Variants in PLGRKT observed in about 807,000 individuals in gnomAD.
The protein encoded by PLGRKT is plasminogen receptor (KT).
In PLGRKT, 22 loss-of-function variants were observed where a neutral mutation model predicts 18.5. The ratio of observed to expected loss-of-function variants is 1.19; its 90% confidence interval spans 0.85 to 1.70. PLGRKT has a LOEUF of 1.70. Ranked by LOEUF, PLGRKT falls within the 40% of genes most tolerant of loss-of-function variation. The probability of loss-of-function intolerance (pLI) is 0.00; values close to 1 mark genes in which losing one functional copy is unlikely to be tolerated. For synonymous variants in PLGRKT, 72 were observed against 52.8 expected, an observed-to-expected ratio of 1.36 and a Z score of -1.58; for missense variants, 235 against 174.4, an observed-to-expected ratio of 1.35 and a Z score of -1.96.
chr9:5,369,516 T>C (rs903750592), intron 3 of PLGRKT, among the ~76,000 whole-genome samples: 1 of 152,188 alleles, frequency 6.6e-6, no homozygotes, highest in Non-Finnish European at 1.5e-5. Flanking sequence ...AGTTCAACCA[T>C]TGTGGAAGAC....
intron 3 of PLGRKT, among the ~76,000 whole-genome samples, chr9:5,396,140 C>A (rs1818044151): frequency 6.6e-6 from 1 of 151,440 alleles, no homozygotes; most frequent in Non-Finnish European, 1.5e-5. Flanking sequence ...GTGATCAGTC[C>A]GCCTCAGCCT....
At chr9:5,393,874 G>A (rs1280914580) in intron 3 of PLGRKT, among the ~76,000 whole-genome samples, 3 of 151,814 alleles carry the variant, frequency 2.0e-5, no homozygotes, top group Non-Finnish European at 4.4e-5. Flanking sequence ...TTGGCAATAA[G>A]AAAAAGGCCT....
chr9:5,369,145 G>A (rs984293682), intron 3 of PLGRKT, among the ~76,000 whole-genome samples: 9 of 152,188 alleles, frequency 5.9e-5, no homozygotes, highest in African/African-American at 2.2e-4. Context: ...CACAGCAAAA[G>A]AAACTATCAT....
intron 3 of PLGRKT, among the ~76,000 whole-genome samples, chr9:5,403,748 T>C (rs1818201763): frequency 6.6e-6 from 1 of 152,194 alleles, no homozygotes; most frequent in Non-Finnish European, 1.5e-5. Flanking sequence ...CAAAACAAAA[T>C]GGTGTGCTTA....
intron 3 of PLGRKT, among the ~76,000 whole-genome samples, chr9:5,398,933 A>C (rs1352726210): frequency 2.0e-5 from 3 of 151,598 alleles, no homozygotes; most frequent in Admixed American, 2.0e-4. Context: ...ATAATTTCCC[A>C]TTTGTAAAGG....
chr9:5,382,647 C>T (rs566893776), intron 3 of PLGRKT, among the ~76,000 whole-genome samples: 1 of 152,178 alleles, frequency 6.6e-6, no homozygotes, highest in African/African-American at 2.4e-5. Flanking sequence ...TCGTGGGGAG[C>T]CACAAAGTCA....
At chr9:5,417,322 T>C (rs931440788) in intron 3 of PLGRKT, among the ~76,000 whole-genome samples, 1 of 152,182 alleles carries the variant, frequency 6.6e-6, no homozygotes, top group Non-Finnish European at 1.5e-5. Context: ...CAGCTGGATA[T>C]CCACACGCAA....
intron 3 of PLGRKT, among the ~76,000 whole-genome samples, chr9:5,386,900 T>C (rs1416893393): frequency 6.6e-6 from 1 of 151,870 alleles, no homozygotes; most frequent in East Asian, 1.9e-4. Flanking sequence ...AGACAACCCC[T>C]CAACTATGAA....
intron 3 of PLGRKT, among the ~76,000 whole-genome samples, chr9:5,401,067 G>GA: frequency 6.6e-6 from 1 of 151,834 alleles, no homozygotes; most frequent in African/African-American, 2.4e-5. Context: ...ACTTTTTAAG[G>GA]AAAAATAACT....
At chr9:5,381,620 C>G (rs554767499) in intron 3 of PLGRKT, among the ~76,000 whole-genome samples, 1 of 152,286 alleles carries the variant, frequency 6.6e-6, no homozygotes, top group East Asian at 1.9e-4. Context: ...TGTATTATTC[C>G]TTTTTCACAC....
intron 3 of PLGRKT, among the ~76,000 whole-genome samples, chr9:5,411,027 G>C (rs1292705341): frequency 2.0e-5 from 3 of 152,044 alleles, no homozygotes; most frequent in Non-Finnish European, 4.4e-5. Context: ...AATGAAACTA[G>C]AGATGAAAGA....
chr9:5,367,067 A>ACACACC (rs1286566339), intron 3 of PLGRKT, among the ~76,000 whole-genome samples: 6 of 138,846 alleles, frequency 4.3e-5, no homozygotes, highest in African/African-American at 1.3e-4. Context: ...ACACACACAC[A>ACACACC]CCCCTAGGAA....
intron 3 of PLGRKT, among the ~76,000 whole-genome samples, chr9:5,364,961 T>C (rs1300154331): frequency 6.6e-6 from 1 of 152,316 alleles, no homozygotes; most frequent in East Asian, 1.9e-4. Context: ...TAGATATGCA[T>C]ATCTATATGC....
chr9:5,384,246 A>T (rs1387013583), intron 3 of PLGRKT, among the ~76,000 whole-genome samples: 1 of 152,258 alleles, frequency 6.6e-6, no homozygotes, highest in African/African-American at 2.4e-5. Flanking sequence ...TATGTGAGCC[A>T]CTGGGAAAGG....
rs151211426 is a variant in PLGRKT, at chr9:5,423,456, C to G, written c.81+8441G>C. On this transcript the variant is annotated intron_variant, in intron 3 of 5. Transcript: ENST00000223864. Reference sequence around the variant, plus strand: ...ACAGAAAACTAAGGGAGTCTATATACATTCTTCCTTCATTTTATCCTTACG... The same window carrying G: ...ACAGAAAACTAAGGGAGTCTATATAGATTCTTCCTTCATTTTATCCTTACG... 1.6e-3 allele frequency among the ~76,000 whole-genome samples: 241 copies of G among 152,214 alleles called. 1 individual carries two copies. Among genetic ancestry groups the G allele is most frequent in the Middle Eastern group, 6.8e-3 (2 of 294 alleles).
At chr9:5,435,661 C>T (rs1399426099) in intron 2 of PLGRKT, among the ~76,000 whole-genome samples, 1 of 152,196 alleles carries the variant, frequency 6.6e-6, no homozygotes. Context: ...CTTAATCCAA[C>T]TGGGTGGGTA....
rs1276843276 is a variant in PLGRKT at position 5,381,923 on chromosome 9, G to C, written c.82-20035C>G. ...GAGGGACCACATCATGAGAGGAAGAGTCTGCTCCGAGACAGGGCCTCCATG... is the reference window on the plus strand; with the variant it reads ...GAGGGACCACATCATGAGAGGAAGACTCTGCTCCGAGACAGGGCCTCCATG... On this transcript the variant is annotated intron_variant, in intron 3 of 5. Coordinates refer to ENST00000223864, the MANE Select transcript of PLGRKT (RefSeq NM_018465.4). The C allele has an allele frequency of 3.0e-6, 3 of 985,000 alleles. No individual in the cohort carries two copies. The South Asian group carries it at 1.4e-4, about 46-fold the overall frequency. 61.0% of individuals were successfully genotyped at this position (985,000 alleles called of 1,614,324 possible). A position where few individuals can be genotyped will look rare whatever the true frequency, so the allele number is the denominator to read the frequency against.
At chr9:5,403,017 C>T (rs1340887090) in intron 3 of PLGRKT, among the ~76,000 whole-genome samples, 2 of 151,774 alleles carry the variant, frequency 1.3e-5, no homozygotes, top group African/African-American at 4.9e-5. Flanking sequence ...AAATAGTATT[C>T]TCCCCTGGAT....
intron 3 of PLGRKT, among the ~76,000 whole-genome samples, chr9:5,424,021 A>G (rs1818628666): frequency 7.2e-6 from 1 of 138,584 alleles, no homozygotes; most frequent in African/African-American, 2.7e-5. Context: ...TCTATTATAT[A>G]TGACATATAT....
Sources: allele counts gnomAD v4.1 joint callset (sites outside exome capture counted in the v4.1 genomes callset), GRCh38; gene constraint gnomAD v4.1.1; transcripts MANE v1.5; gene names NCBI Gene and HGNC (gene_info 2026-07-23, HGNC 2026-07-21).